UNC13B: variants seen among roughly 807,000 people sequenced by gnomAD.
The protein encoded by UNC13B is unc-13 homolog B, also known as protein unc-13 homolog B.
Under a neutral mutation model 211.0 loss-of-function variants are expected in UNC13B, and 144 were observed. The ratio of observed to expected loss-of-function variants is 0.68; its 90% CI spans 0.60 to 0.78. The LOEUF (loss-of-function observed/expected upper bound fraction) is 0.78, where lower values mean the gene tolerates loss of function less well. UNC13B is among the 30% of genes least tolerant of loss of function. UNC13B has a pLI of 0.00. For missense variants in UNC13B, 1,777 were observed against 2,002.0 expected, an observed-to-expected ratio of 0.89 and a Z score of 2.14; for synonymous variants, 709 against 725.8, an observed-to-expected ratio of 0.98 and a Z score of 0.37.
intron 17 of UNC13B, among the ~76,000 whole-genome samples, chr9:35,379,218 C>T (rs1345018555): frequency 6.6e-6 from 1 of 152,096 alleles, no homozygotes; most frequent in African/African-American, 2.4e-5. Context: ...GAGGCTGAGG[C>T]AGGCAGATCA....
chr9:35,251,349 G>A (rs1010105962), intron 6 of UNC13B, among the ~76,000 whole-genome samples: 3 of 152,110 alleles, frequency 2.0e-5, no homozygotes, highest in African/African-American at 7.2e-5. Flanking sequence ...ACTCTGGGGG[G>A]GCCGAGGTGG....
chr9:35,168,490 T>C (rs1821162739), intron 1 of UNC13B, among the ~76,000 whole-genome samples: 1 of 152,182 alleles, frequency 6.6e-6, no homozygotes. Flanking sequence ...GCTGTTTTCT[T>C]TGGCATATAA....
At position 35,310,903 on chromosome 9, in the gene UNC13B, C is replaced by G. The variant is rs143780480; in HGVS notation, c.9323+122C>G. Reference sequence around the variant, plus strand: ...CTGGGTATGGTGGTAGTTAACACCTCCAGGCTCAACTCTGTATTGCTTCCT... The same window carrying G: ...CTGGGTATGGTGGTAGTTAACACCTGCAGGCTCAACTCTGTATTGCTTCCT... On this transcript the variant is annotated intron_variant, in intron 10 of 39. Transcript: ENST00000635942. 6.3e-4 allele frequency: 534 copies of G among 845,318 alleles called. 3 individuals carry two copies. In the African/African-American group the frequency reaches 8.2e-3, roughly 13 times the overall value. 52.4% of individuals were successfully genotyped at this position (845,318 alleles called of 1,614,324 possible).
chr9:35,244,246 G>T (rs1453212668), intron 6 of UNC13B, among the ~76,000 whole-genome samples: 1 of 152,124 alleles, frequency 6.6e-6, no homozygotes, highest in Admixed American at 6.6e-5. Context: ...GAAAAAAAGA[G>T]ATTCAAGGCA....
chr9:35,194,152 G>C (rs1052885332), intron 1 of UNC13B, among the ~76,000 whole-genome samples: 1 of 152,200 alleles, frequency 6.6e-6, no homozygotes, highest in Non-Finnish European at 1.5e-5. Flanking sequence ...CTCACTGTCG[G>C]GGGGAGCCTT....
intron 6 of UNC13B, among the ~76,000 whole-genome samples, chr9:35,254,066 C>A (rs1011907183): frequency 6.6e-6 from 1 of 152,110 alleles, no homozygotes; most frequent in African/African-American, 2.4e-5. Flanking sequence ...TCAGTTATTA[C>A]GCATCAGGTA....
intron 1 of UNC13B, among the ~76,000 whole-genome samples, chr9:35,204,234 A>T (rs1167897105): frequency 6.6e-6 from 1 of 152,182 alleles, no homozygotes; most frequent in Non-Finnish European, 1.5e-5. Context: ...TAGATTTCAG[A>T]GGATGTATGG....
chr9:35,304,496 G>T lies in UNC13B; in HGVS notation c.5092G>T (p.Glu1698Ter), dbSNP rs568199973. Reference sequence around the variant, plus strand: ...TGTCTCAAGCAGAGATCAAATTATAGAGAGAGATAAAAACCAGCCTCTAGC... The same window carrying T: ...TGTCTCAAGCAGAGATCAAATTATATAGAGAGATAAAAACCAGCCTCTAGC... The part of the protein sequence containing the change: ...NHVSSRDQII[E>*]RDKNQPLAED... The change falls in exon 9 of 40, where the codon GAG (glutamate) becomes TAG (stop). Residue 1698 changes from glutamate (E) to a stop codon, truncating the protein, a stop_gained. Transcript: ENST00000635942. LOFTEE classifies it high-confidence loss of function. The T allele has an allele frequency of 2.8e-5, 11 of 398,670 alleles. No individual in the cohort carries two copies. Among genetic ancestry groups the T allele is most frequent in the South Asian group, 1.3e-4 (1 of 7,834 alleles). 24.7% of individuals were successfully genotyped at this position (398,670 alleles called of 1,614,324 possible). A position where few individuals can be genotyped will look rare whatever the true frequency, so the allele number is the denominator to read the frequency against.
At position 35,397,851 on chromosome 9, in the gene UNC13B, T is replaced by C. The variant is rs1366917693; in HGVS notation, c.11754+139T>C. 4 of 850,976 alleles carry C rather than the reference T, an allele frequency of 4.7e-6. No individual in the cohort carries two copies. In the Admixed American group the frequency reaches 7.5e-5, roughly 16 times the overall value. 52.7% of individuals were successfully genotyped at this position (850,976 alleles called of 1,614,324 possible). On this transcript the variant is annotated intron_variant, in intron 30 of 39. Coordinates refer to ENST00000635942, the MANE Select transcript of UNC13B (RefSeq NM_001371189.2). ...CCACCATGGCTTTGCTTCAGATCCA[T>C]GCCACAAAATTACGAGAACTTGACA...
chr9:35,187,233 A>G (rs1822410834), intron 1 of UNC13B, among the ~76,000 whole-genome samples: 1 of 152,100 alleles, frequency 6.6e-6, no homozygotes, highest in Non-Finnish European at 1.5e-5. Flanking sequence ...TCTTGGTTTT[A>G]TTTTCCCAAA....
At chr9:35,280,377 A>G (rs2131722881) in intron 7 of UNC13B, among the ~76,000 whole-genome samples, 2 of 152,350 alleles carry the variant, frequency 1.3e-5, no homozygotes, top group Non-Finnish European at 2.9e-5. Context: ...GGTATCTCTT[A>G]CTGGCTGGAA....
intron 11 of UNC13B, chr9:35,353,505 G>T: frequency 2.4e-6 from 3 of 1,232,098 alleles, no homozygotes; most frequent in Non-Finnish European, 3.0e-6. Context: ...GTCTCTGGTG[G>T]AGTTGGCGTC....
intron 1 of UNC13B, among the ~76,000 whole-genome samples, chr9:35,198,239 C>T (rs1823055474): frequency 6.6e-6 from 1 of 152,194 alleles, no homozygotes. Context: ...ATGAATAGGT[C>T]AGCACCATCT....
chr9:35,403,553 T>A lies in UNC13B; in HGVS notation c.12691T>A (p.Ser4231Thr). 6.2e-7 allele frequency: 1 copy of A among 1,603,994 alleles called. No homozygotes were observed. The highest frequency in any genetic ancestry group is 8.5e-7 in the Non-Finnish European group (1 of 1,176,646). ...TAAGAAGAGGAAGTTCACAACCAAA[T>A]CCAAAAGCAACAACTGGGCCCCCAA... ...SDKKRKFTTK[S>T]KSNNWAPKYN... is the part of the protein sequence containing the mutation. Residue 4231 changes from serine to threonine, a missense_variant, in exon 39 of 40, where the codon TCC becomes ACC. Physicochemically the swap from Ser to Thr is moderately conservative, Grantham distance 58 (BLOSUM62 1). Transcript: ENST00000635942.
intron 23 of UNC13B, 33 bp from the exon 24 acceptor site, chr9:35,386,131 TC>T (rs1460753132): frequency 1.2e-6 from 2 of 1,613,494 alleles, no homozygotes; most frequent in African/African-American, 2.7e-5. Context: ...GGTGAGCAGG[TC>T]CTTGGGCCCA....
chr9:35,347,886 C>T (rs554555964), intron 11 of UNC13B, among the ~76,000 whole-genome samples: 29 of 152,176 alleles, frequency 1.9e-4, no homozygotes, highest in South Asian at 1.0e-3. Context: ...CAGCCAGTGT[C>T]GTAAGCACTG....
In UNC13B at chr9:35,351,695, G is replaced by C. The variant is rs1832731811; in HGVS notation, c.9415-15252G>C. On this transcript the variant is annotated intron_variant, in intron 11 of 39. Transcript: ENST00000635942. Reference sequence around the variant, plus strand: ...GGACAACTCCCTGCCCCCTTGCTGTGGGTCAGCAGCCTTAGCCATTGGTGG... The same window carrying C: ...GGACAACTCCCTGCCCCCTTGCTGTCGGTCAGCAGCCTTAGCCATTGGTGG... 2.4e-6 allele frequency: 3 copies of C among 1,232,146 alleles called. No individual in the cohort carries two copies. In the African/African-American group the frequency reaches 4.7e-5, roughly 19 times the overall value. 76.3% of individuals were successfully genotyped at this position (1,232,146 alleles called of 1,614,324 possible).
At chr9:35,272,473 G>A (rs1307479632) in intron 7 of UNC13B, among the ~76,000 whole-genome samples, 1 of 151,924 alleles carries the variant, frequency 6.6e-6, no homozygotes, top group Non-Finnish European at 1.5e-5. Flanking sequence ...GGCCAGGCTG[G>A]CCTCGAACTC....
intron 7 of UNC13B, among the ~76,000 whole-genome samples, chr9:35,260,252 A>G (rs753621607): frequency 5.3e-5 from 8 of 151,944 alleles, no homozygotes; most frequent in Non-Finnish European, 1.2e-4. Flanking sequence ...AGCAGCTAAC[A>G]CTATTGAGGT....
Sources: allele counts gnomAD v4.1 joint callset (sites outside exome capture counted in the v4.1 genomes callset), GRCh38; gene constraint gnomAD v4.1.1; transcripts MANE v1.5; gene names NCBI Gene and HGNC (gene_info 2026-07-23, HGNC 2026-07-21).